Variants in FCHSD2 observed in about 807,000 individuals in gnomAD.
FCHSD2 encodes FCH and double SH3 domains 2.
Under a neutral mutation model 108.1 loss-of-function variants are expected in FCHSD2, and 38 were observed. That is an observed-to-expected ratio of 0.35 (90% CI 0.27 to 0.46). The LOEUF is 0.46. Ranked by LOEUF, FCHSD2 falls within the 20% of genes least tolerant of loss-of-function variation. FCHSD2 has a pLI of 1.00. For synonymous variants in FCHSD2, 279 were observed against 314.7 expected (o/e 0.89, Z 1.20); for missense variants, 751 against 897.8 (o/e 0.84, Z 2.09).
intron 8 of FCHSD2, among the ~76,000 whole-genome samples, chr11:72,945,077 A>G (rs1391164937): frequency 6.6e-6 from 1 of 152,198 alleles, no homozygotes; most frequent in Non-Finnish European, 1.5e-5. Context: ...ACCAAAAAAG[A>G]GCCTGCATTG....
At chr11:72,891,394 C>A (rs1266420239) in intron 10 of FCHSD2, among the ~76,000 whole-genome samples, 1 of 152,116 alleles carries the variant, frequency 6.6e-6, no homozygotes, top group South Asian at 2.1e-4. Context: ...ATAACAATGA[C>A]AAATAAATTG....
chr11:72,932,408 A>T (rs1278327700), intron 8 of FCHSD2, among the ~76,000 whole-genome samples: 2 of 152,186 alleles, frequency 1.3e-5, no homozygotes, highest in African/African-American at 4.8e-5. Flanking sequence ...AAAGGCTTTT[A>T]AAAAAATCAT....
At chr11:73,069,863 C>T (rs1859391720) in intron 3 of FCHSD2, among the ~76,000 whole-genome samples, 2 of 152,100 alleles carry the variant, frequency 1.3e-5, no homozygotes, top group African/African-American at 2.4e-5. Flanking sequence ...ATACATTGGT[C>T]TCATTCCACA....
intron 3 of FCHSD2, among the ~76,000 whole-genome samples, chr11:73,051,886 C>T (rs1858907620): frequency 6.8e-6 from 1 of 146,012 alleles, no homozygotes; most frequent in Non-Finnish European, 1.5e-5. Context: ...CACACACACA[C>T]ACACACACAC....
chr11:72,942,994 C>G (rs1565334355), intron 8 of FCHSD2, among the ~76,000 whole-genome samples: 1 of 151,960 alleles, frequency 6.6e-6, no homozygotes, highest in South Asian at 2.1e-4. Context: ...TTCATTAATA[C>G]TGACTTTTTC....
intron 2 of FCHSD2, among the ~76,000 whole-genome samples, chr11:73,105,063 C>T (rs1180466420): frequency 2.0e-5 from 3 of 152,178 alleles, no homozygotes; most frequent in African/African-American, 7.2e-5. Flanking sequence ...CCATCTTATC[C>T]TACCTGACTT....
At chr11:73,087,014 G>A (rs1309261714) in intron 2 of FCHSD2, among the ~76,000 whole-genome samples, 1 of 152,160 alleles carries the variant, frequency 6.6e-6, no homozygotes, top group Non-Finnish European at 1.5e-5. Context: ...CTGTAAAACA[G>A]CCTCAGGCAG....
intron 10 of FCHSD2, among the ~76,000 whole-genome samples, chr11:72,892,960 C>T (rs1025994447): frequency 4.0e-5 from 6 of 151,710 alleles, no homozygotes; most frequent in Admixed American, 3.3e-4. Context: ...ACAAAGAAAC[C>T]GTAATGACTG....
At chr11:72,936,821 C>T (rs1290000554) in intron 8 of FCHSD2, among the ~76,000 whole-genome samples, 1 of 152,100 alleles carries the variant, frequency 6.6e-6, no homozygotes, top group Non-Finnish European at 1.5e-5. Flanking sequence ...AGATATCATT[C>T]TCATACTTCC....
Position 72,849,718 on chromosome 11 carries a change from T to C in FCHSD2, c.1443+37A>G, listed in dbSNP as rs925328142. ...CAGTCATGTGTATCTTCAGAGTTAA[T>C]CAGAATTTAATAACATTATGTTGGA... On this transcript the variant is annotated intron_variant, in intron 14 of 19. Coordinates refer to ENST00000409418, the MANE Select transcript of FCHSD2 (RefSeq NM_014824.3). 6 of 1,521,472 alleles carry C rather than the reference T, an allele frequency of 3.9e-6. No homozygotes were observed. In the South Asian group the frequency reaches 5.7e-5, roughly 14 times the overall value. The allele number at this position is 1,521,472 out of a possible 1,614,324, so 94.2% of individuals were successfully genotyped here.
At chr11:73,065,944 A>G (rs923821030) in intron 3 of FCHSD2, among the ~76,000 whole-genome samples, 10 of 152,184 alleles carry the variant, frequency 6.6e-5, no homozygotes, top group African/African-American at 2.4e-4. Flanking sequence ...TAATTTATAG[A>G]TTCAATGCTA....
chr11:72,881,500 A>G (rs1018008511), intron 12 of FCHSD2, among the ~76,000 whole-genome samples: 1 of 152,230 alleles, frequency 6.6e-6, no homozygotes, highest in Non-Finnish European at 1.5e-5. Context: ...AAGACTAAAA[A>G]TAGAACTACT....
intron 9 of FCHSD2, among the ~76,000 whole-genome samples, chr11:72,907,599 GTTTTT>G (rs35079551): frequency 1.7e-5 from 2 of 114,664 alleles, no homozygotes; most frequent in Non-Finnish European, 3.3e-5. Context: ...AATCACGTGG[GTTTTT>G]TTTTTTTTTT....
At chr11:72,893,375 G>A (rs1311141376) in intron 10 of FCHSD2, among the ~76,000 whole-genome samples, 1 of 152,062 alleles carries the variant, frequency 6.6e-6, no homozygotes, top group Non-Finnish European at 1.5e-5. Context: ...GAGTGCGGTG[G>A]TGCAATCATG....
intron 2 of FCHSD2, among the ~76,000 whole-genome samples, chr11:73,114,207 C>T (rs1282580243): frequency 6.6e-6 from 1 of 152,032 alleles, no homozygotes; most frequent in East Asian, 1.9e-4. Context: ...TCCCCAAGGT[C>T]ATCACCACCC....
chr11:73,070,965 T>A (rs1366587081), intron 3 of FCHSD2, among the ~76,000 whole-genome samples: 2 of 152,178 alleles, frequency 1.3e-5, no homozygotes, highest in Non-Finnish European at 2.9e-5. Flanking sequence ...CAAACTGGCA[T>A]CCTTCAGATG....
intron 8 of FCHSD2, among the ~76,000 whole-genome samples, chr11:72,936,002 A>G (rs1027682649): frequency 2.6e-5 from 4 of 152,232 alleles, no homozygotes; most frequent in African/African-American, 9.6e-5. Flanking sequence ...CATAATATTT[A>G]GGTTGCCATC....
chr11:72,903,921 G>A (rs1172006580), intron 9 of FCHSD2, among the ~76,000 whole-genome samples: 1 of 152,146 alleles, frequency 6.6e-6, no homozygotes, highest in Non-Finnish European at 1.5e-5. Flanking sequence ...TTTATTGAGA[G>A]AGTTTACCAG....
intron 1 of FCHSD2, 23 bp downstream of exon 1, chr11:73,141,834 A>G: frequency 1.3e-6 from 2 of 1,542,020 alleles, no homozygotes; most frequent in African/African-American, 1.4e-5. Context: ...CCGAACCCCA[A>G]AGCCCCCCAG....
Sources: allele counts gnomAD v4.1 joint callset (sites outside exome capture counted in the v4.1 genomes callset), GRCh38; gene constraint gnomAD v4.1.1; transcripts MANE v1.5; gene names NCBI Gene and HGNC (gene_info 2026-07-23, HGNC 2026-07-21).